Variants in TIAM2 observed in about 807,000 individuals in gnomAD.
TIAM2 encodes the protein rho guanine nucleotide exchange factor TIAM2.
A neutral mutation model predicts 152.9 loss-of-function variants in TIAM2; 80 were observed. The observed-to-expected ratio is 0.52, with a 90% confidence interval of 0.44 to 0.63. The LOEUF is 0.63. Among genes scored for constraint, TIAM2 ranks in the 30% least tolerant of loss-of-function variants. The pLI is 0.00. For missense variants in TIAM2, 1,965 were observed against 2,120.1 expected, an observed-to-expected ratio of 0.93 and a Z score of 1.44; for synonymous variants, 804 against 838.0, an observed-to-expected ratio of 0.96 and a Z score of 0.70.
intron 7 of TIAM2, among the ~76,000 whole-genome samples, chr6:155,151,849 C>CT (rs5881123): frequency 0.52 from 65,992 of 127,432 alleles, 17,414 homozygotes; most frequent in South Asian, 0.59. Context: ...CTTTTTTTTT[C>CT]TTTTTTTTTT....
At chr6:155,047,685 A>G (rs1340381027) in intron 1 of TIAM2, among the ~76,000 whole-genome samples, 1 of 21,590 alleles carries the variant, frequency 4.6e-5, no homozygotes, top group African/African-American at 1.1e-4. Context: ...AGAGAGAGAG[A>G]GAGGAGAGAG....
chr6:155,245,862 A>C (rs1043938076), intron 19 of TIAM2, 131 bp downstream of exon 19: 20 of 537,278 alleles, frequency 3.7e-5, no homozygotes, highest in Non-Finnish European at 5.6e-5. Context: ...CTTGACCTTG[A>C]CAGTGGCAAA....
chr6:155,129,816 T>C lies in TIAM2; in HGVS notation c.593T>C (p.Leu198Pro). The change falls in exon 4 of 27, where the codon CTG (leucine) becomes CCG (proline). Residue 198 changes from leucine (L) to proline (P), a missense_variant. Transcript: ENST00000682666. The surrounding 1 kb of genome is among the most constrained non-coding windows in gnomAD (Gnocchi z 4.8). ...GACTGCAGTGAGCCGGTGCAGCTGC[T>C]GAGGTACTCACCTACCTTAGCATCG... ...AEDCSEPVQL[L>P]RYSPTLASET... The C allele has an allele frequency of 6.2e-7, 1 of 1,613,676 alleles. No individual in the cohort carries two copies. The highest frequency in any genetic ancestry group is 8.5e-7 in the Non-Finnish European group (1 of 1,180,026).
chr6:155,145,366 G>A (rs1476855935), intron 6 of TIAM2, among the ~76,000 whole-genome samples: 4 of 152,106 alleles, frequency 2.6e-5, no homozygotes, highest in Non-Finnish European at 5.9e-5. Flanking sequence ...TCGGGCTTAG[G>A]TTTGAATCCT....
chr6:155,017,669 A>G (rs1277331888), intron 1 of TIAM2, among the ~76,000 whole-genome samples: 1 of 151,466 alleles, frequency 6.6e-6, no homozygotes, highest in Non-Finnish European at 1.5e-5. Flanking sequence ...ACGCCCGGCT[A>G]ATTTTTTGTA....
chr6:155,090,845 A>G (rs895307638), intron 2 of TIAM2, among the ~76,000 whole-genome samples: 2 of 152,166 alleles, frequency 1.3e-5, no homozygotes, highest in East Asian at 3.9e-4. Flanking sequence ...TTAGGAAGCC[A>G]CTGAGGAAAG....
At chr6:155,107,397 C>T (rs1304076660) in intron 2 of TIAM2, among the ~76,000 whole-genome samples, 2 of 152,172 alleles carry the variant, frequency 1.3e-5, no homozygotes, top group African/African-American at 4.8e-5. Flanking sequence ...TTGCAGTTGC[C>T]TGCGCCGTTT....
At chr6:155,132,396 A>AC (rs1232910205) in intron 4 of TIAM2, among the ~76,000 whole-genome samples, 1 of 151,478 alleles carries the variant, frequency 6.6e-6, no homozygotes, top group Non-Finnish European at 1.5e-5. Flanking sequence ...TGCCTCCACC[A>AC]CCCCCTCCTG....
At chr6:155,212,475 T>A (rs888778362) in intron 15 of TIAM2, among the ~76,000 whole-genome samples, 1 of 152,248 alleles carries the variant, frequency 6.6e-6, no homozygotes, top group African/African-American at 2.4e-5. Context: ...TTTGAAATTA[T>A]AAGTCTTCTG....
intron 4 of TIAM2, among the ~76,000 whole-genome samples, chr6:155,132,665 G>A (rs536766999): frequency 6.6e-6 from 1 of 152,284 alleles, no homozygotes; most frequent in African/African-American, 2.4e-5. Flanking sequence ...CTTACTTGAG[G>A]GCTGAAGTCC....
At chr6:155,124,829 C>T (rs1025145144) in intron 2 of TIAM2, among the ~76,000 whole-genome samples, 2 of 151,752 alleles carry the variant, frequency 1.3e-5, no homozygotes, top group East Asian at 1.9e-4. Context: ...ATTGGATTTC[C>T]TGCCAATGGC....
intron 16 of TIAM2, 137 bp downstream of exon 16, chr6:155,240,846 G>C (rs931362380): frequency 2.3e-6 from 2 of 879,832 alleles, no homozygotes; most frequent in Admixed American, 2.8e-5. Context: ...TTGAATCAGT[G>C]AATTGCTCAA....
Position 155,253,013 on chromosome 6 carries a change from C to A in TIAM2, c.4185C>A (p.Ile1395=). 1.2e-6 allele frequency: 2 copies of A among 1,614,212 alleles called. No homozygotes were observed. The highest frequency in any genetic ancestry group is 4.5e-5 in the East Asian group (2 of 44,894). ...DLDPFKFRWL[I]PISALQVRLG... Reference sequence around the variant, plus strand: ...ACCCATTTAAATTCCGCTGGTTGATCCCCATCTCCGCGCTTCAAGTCAGAC... The same window carrying A: ...ACCCATTTAAATTCCGCTGGTTGATACCCATCTCCGCGCTTCAAGTCAGAC... Residue 1395 remains isoleucine (I), a synonymous_variant, in exon 24 of 27, where the codon ATC becomes ATA. Transcript: ENST00000682666.
chr6:155,076,925 A>C (rs976715947), intron 1 of TIAM2, among the ~76,000 whole-genome samples: 7 of 152,138 alleles, frequency 4.6e-5, no homozygotes, highest in Non-Finnish European at 7.4e-5. Flanking sequence ...CGAACTCCTG[A>C]CCTCGGATGA....
chr6:155,196,814 C>T (rs1381079910), intron 14 of TIAM2, among the ~76,000 whole-genome samples: 1 of 152,176 alleles, frequency 6.6e-6, no homozygotes, highest in Non-Finnish European at 1.5e-5. Context: ...TTTATTTCTG[C>T]CCTACCATAC....
rs1016914536 is a variant in TIAM2 at position 155,129,416 on chromosome 6, C to T, written c.193C>T (p.Leu65Phe). Residue 65 changes from leucine (L) to phenylalanine (F), a missense_variant, in exon 4 of 27, where the codon CTT (leucine) becomes TTT (phenylalanine). By Grantham distance (22) the Leu-to-Phe change is conservative. Transcript: ENST00000682666. The surrounding 1 kb of genome is among the most constrained non-coding windows in gnomAD (Gnocchi z 4.8). ...YKSRSLARSCLSHFKSNQPYA... is the reference protein window; with the variant it reads ...YKSRSLARSCFSHFKSNQPYA... ...GTCCAGGTCCCTGGCCCGAAGCTGC[C>T]TTTCTCACTTTAAGAGTAACCAGCC... 4.3e-6 allele frequency: 7 copies of T among 1,614,110 alleles called. No homozygotes were observed. Among genetic ancestry groups the T allele is most frequent in the Non-Finnish European group, 5.9e-6 (7 of 1,180,010 alleles).
chr6:155,080,933 TG>T (rs1214457029), intron 1 of TIAM2, among the ~76,000 whole-genome samples: 1 of 152,168 alleles, frequency 6.6e-6, no homozygotes, highest in Non-Finnish European at 1.5e-5. Flanking sequence ...GAACCTTGCC[TG>T]GGATGAGCTC....
chr6:155,160,535 G>A (rs745618622), intron 7 of TIAM2, among the ~76,000 whole-genome samples: 2 of 152,120 alleles, frequency 1.3e-5, no homozygotes, highest in African/African-American at 4.8e-5. Flanking sequence ...TAACCATTAC[G>A]CGGGTGGATC....
chr6:155,241,405 C>T (rs75457394), intron 16 of TIAM2, among the ~76,000 whole-genome samples: 7,258 of 152,206 alleles, frequency 0.048, 185 homozygotes, highest in East Asian at 0.12. Flanking sequence ...CGGCACGGTG[C>T]GGTGGGCTGA....
Sources: allele counts gnomAD v4.1 joint callset (sites outside exome capture counted in the v4.1 genomes callset), GRCh38; gene constraint gnomAD v4.1.1; non-coding constraint Gnocchi (gnomAD v3.1); transcripts MANE v1.5; gene names NCBI Gene and HGNC (gene_info 2026-07-23, HGNC 2026-07-21).